AKAP12: variants seen among roughly 807,000 people sequenced by gnomAD.
AKAP12 encodes the protein A-kinase anchoring protein 12.
Under a neutral mutation model 79.9 loss-of-function variants are expected in AKAP12, and 32 were observed. The observed-to-expected ratio is 0.40, with a 90% confidence interval of 0.30 to 0.54. The LOEUF (loss-of-function observed/expected upper bound fraction) is 0.54. AKAP12 is among the 20% of genes least tolerant of loss of function. The pLI is 0.48. For missense variants in AKAP12, 2,074 were observed against 2,177.0 expected, an observed-to-expected ratio of 0.95 and a Z score of 0.94; for synonymous variants, 808 against 857.0, an observed-to-expected ratio of 0.94 and a Z score of 1.00.
intron 3 of AKAP12, among the ~76,000 whole-genome samples, chr6:151,337,709 G>T (rs1777853522): frequency 1.3e-5 from 2 of 151,860 alleles, no homozygotes; most frequent in South Asian, 4.2e-4. Context: ...TCAGTCCACG[G>T]GTTTCTGTTA....
intron 2 of AKAP12, among the ~76,000 whole-genome samples, chr6:151,247,229 C>G (rs1011341511): frequency 2.0e-5 from 3 of 151,920 alleles, no homozygotes; most frequent in Non-Finnish European, 1.5e-5. Flanking sequence ...AGCAAGACCC[C>G]ATCTCTACAA....
At chr6:151,324,920 G>T in intron 3 of AKAP12, 1 of 985,446 alleles carries the variant, frequency 1.0e-6, no homozygotes, top group South Asian at 4.7e-5. Context: ...TCCGAGTTGT[G>T]TGCTTGCATG....
At position 151,240,587 on chromosome 6, in the gene AKAP12, C is replaced by T; in HGVS notation, c.25C>T (p.Gln9Ter). ...CATGGGCGCCGGGAGCTCCACCGAGCAGCGCAGCCCGGAGCAGCCGCCCGA... is the reference window on the plus strand; with the variant it reads ...CATGGGCGCCGGGAGCTCCACCGAGTAGCGCAGCCCGGAGCAGCCGCCCGA... Reference protein sequence around the residue: MGAGSSTEQRSPEQPPEGS... With the variant: MGAGSSTE Residue 9 changes from glutamine (Q) to a stop codon, truncating the protein, a stop_gained, in exon 2 of 5, where the codon CAG becomes TAG. Coordinates refer to ENST00000402676, the MANE Select transcript of AKAP12 (RefSeq NM_005100.4). LOFTEE classifies it high-confidence loss of function. The T allele has an allele frequency of 7.0e-7, 1 of 1,437,540 alleles. No homozygotes were observed. The highest frequency in any genetic ancestry group is 9.1e-7 in the Non-Finnish European group (1 of 1,101,604). The allele number at this position is 1,437,540 out of a possible 1,614,324, so 89.0% of individuals were successfully genotyped here.
In AKAP12 at chr6:151,353,334, G is replaced by T. The variant is rs776486572; in HGVS notation, c.4943G>T (p.Gly1648Val). Residue 1648 changes from glycine to valine, a missense_variant, in exon 4 of 5, where the codon GGT becomes GTT. Gly to Val is a moderately radical substitution (Grantham distance 109, BLOSUM62 -3). Transcript: ENST00000402676. Reference protein sequence around the residue: ...SEKTMTVEVEGSTVNDQQLEE... With the variant: ...SEKTMTVEVEVSTVNDQQLEE... ...AAGACCATGACTGTTGAGGTAGAAG[G>T]TTCCACTGTAAATGATCAGCAGCTG... is the stretch of plus-strand genomic sequence containing the variant. 4 of 1,614,094 alleles carry T rather than the reference G, an allele frequency of 2.5e-6. No homozygotes were observed. The highest frequency in any genetic ancestry group is 1.3e-5 in the African/African-American group (1 of 74,940).
At chr6:151,332,037 T>TTTTG (rs1562743226) in intron 3 of AKAP12, among the ~76,000 whole-genome samples, 1 of 141,236 alleles carries the variant, frequency 7.1e-6, no homozygotes, top group Non-Finnish European at 1.5e-5. Context: ...GGGTCTGTTT[T>TTTTG]TTTTTTTTTT....
intron 2 of AKAP12, among the ~76,000 whole-genome samples, chr6:151,266,226 GGATA>G (rs1479442840): frequency 6.6e-6 from 1 of 152,196 alleles, no homozygotes; most frequent in African/African-American, 2.4e-5. Flanking sequence ...TTAAAAGTTA[GGATA>G]GATAGCTGAT....
intron 2 of AKAP12, among the ~76,000 whole-genome samples, chr6:151,295,942 A>G (rs1236125607): frequency 1.3e-5 from 2 of 152,032 alleles, no homozygotes; most frequent in Admixed American, 6.5e-5. Context: ...CTTCAGATGA[A>G]CTCAGTCGAG....
chr6:151,324,387 A>G (rs1392117884), intron 3 of AKAP12: 1 of 985,324 alleles, frequency 1.0e-6, no homozygotes, highest in South Asian at 4.7e-5. Flanking sequence ...CACGTTGCTC[A>G]CTCTGGGCCC....
chr6:151,328,512 C>G (rs1457252795), intron 3 of AKAP12, among the ~76,000 whole-genome samples: 1 of 151,336 alleles, frequency 6.6e-6, no homozygotes, highest in Non-Finnish European at 1.5e-5. Context: ...TAGTGTGCAC[C>G]TGTGATCCCA....
In AKAP12 at chr6:151,350,922, C is replaced by G; in HGVS notation, c.2531C>G (p.Pro844Arg). 1 of 1,613,976 alleles carries G rather than the reference C, an allele frequency of 6.2e-7. No individual in the cohort carries two copies. ...TGANEDDSDV[P>R]AVVPLSEYDA... is the part of the protein sequence containing the mutation. ...GCCAACGAAGATGACTCTGATGTCC[C>G]GGCCGTGGTCCCTCTGTCTGAGTAT... Residue 844 changes from proline to arginine, a missense_variant, in exon 4 of 5, where the codon CCG (proline) becomes CGG (arginine). Pro to Arg is a moderately radical substitution (Grantham distance 103, BLOSUM62 -2). Around this residue, in one of 3 missense-constraint regions of AKAP12, gnomAD observed 1,428 missense variants for 1,451.0 expected, o/e 0.98. Transcript: ENST00000402676. The surrounding 1 kb of genome is among the most constrained non-coding windows in gnomAD (Gnocchi z 4.8).
At chr6:151,261,419 A>G (rs7773565) in intron 2 of AKAP12, among the ~76,000 whole-genome samples, 104,676 of 151,720 alleles carry the variant, frequency 0.69, 37,582 homozygotes, top group African/African-American at 0.88. Flanking sequence ...GGCTGGGCAC[A>G]GTGGCTCACT....
At chr6:151,344,371 A>G (rs1299289310) in intron 3 of AKAP12, among the ~76,000 whole-genome samples, 1 of 140,342 alleles carries the variant, frequency 7.1e-6, no homozygotes, top group Non-Finnish European at 1.6e-5. Context: ...CAGATAACCT[A>G]TTCATCTATG....
chr6:151,268,945 GTTTTTTTTTTTT>G lies in AKAP12; in HGVS notation c.162+28244_162+28255del, dbSNP rs558502756. ...AGGCATGAGCCACCGTGCTCGGCCT[GTTTTTTTTTTTT>G]TTTTTTTTTTTTTTTTTTTTTTAAT... On this transcript the variant is annotated intron_variant, in intron 2 of 4. Transcript: ENST00000402676. Among the ~76,000 whole-genome samples the G allele has an allele frequency of 1.1e-3, 87 of 77,436 alleles. 1 individual carries two copies. Among genetic ancestry groups the G allele is most frequent in the South Asian group, 1.8e-3 (4 of 2,178 alleles). The allele number at this position is 77,436 out of a possible 152,430, so 50.8% of individuals were successfully genotyped here.
chr6:151,241,793 G>A (rs547138707), intron 2 of AKAP12, among the ~76,000 whole-genome samples: 1 of 142,786 alleles, frequency 7.0e-6, no homozygotes, highest in Non-Finnish European at 1.5e-5. Flanking sequence ...GAGTACGTGA[G>A]TTATCGCAGG....
At chr6:151,341,614 C>A in intron 3 of AKAP12, 2 of 862,930 alleles carry the variant, frequency 2.3e-6, no homozygotes, top group East Asian at 1.1e-4. Context: ...GCGCGCTGGG[C>A]CTCACGGGCG....
chr6:151,303,296 G>T (rs1477252131), intron 2 of AKAP12, among the ~76,000 whole-genome samples: 2 of 152,080 alleles, frequency 1.3e-5, no homozygotes, highest in African/African-American at 4.8e-5. Flanking sequence ...TTGTCTTTAG[G>T]TTTCATTTAA....
intron 2 of AKAP12, 45 bp downstream of exon 2, chr6:151,240,769 G>T: frequency 8.9e-7 from 1 of 1,124,222 alleles, no homozygotes; most frequent in East Asian, 3.6e-5. Flanking sequence ...GCGGGTCTTT[G>T]GGGGTGGGGG....
Position 151,319,447 on chromosome 6 carries a change from A to G in AKAP12, c.319+13544A>G, listed in dbSNP as rs111229956. Reference sequence around the variant, plus strand: ...GAATCTAAAAGACAGGTGTCTGTCTATCTATCTATCTATCTATCTATCTAT... The same window carrying G: ...GAATCTAAAAGACAGGTGTCTGTCTGTCTATCTATCTATCTATCTATCTAT... On this transcript the variant is annotated intron_variant, in intron 3 of 4. Coordinates refer to ENST00000402676, the MANE Select transcript of AKAP12 (RefSeq NM_005100.4). 9.9e-3 allele frequency among the ~76,000 whole-genome samples: 777 copies of G among 78,574 alleles called. 8 individuals are homozygous for G. Among genetic ancestry groups the G allele is most frequent in the African/African-American group, 0.027 (696 of 25,688 alleles). The allele number at this position is 78,574 out of a possible 152,430, so 51.5% of individuals were successfully genotyped here.
At position 151,323,653 on chromosome 6, in the gene AKAP12, G is replaced by C. The variant is rs991674056; in HGVS notation, c.319+17750G>C. The C allele has an allele frequency of 3.1e-6, 3 of 962,026 alleles. No individual in the cohort carries two copies. In the African/African-American group the frequency reaches 5.3e-5, roughly 17 times the overall value. The allele number at this position is 962,026 out of a possible 1,614,324, so 59.6% of individuals were successfully genotyped here. On this transcript the variant is annotated intron_variant, in intron 3 of 4. Coordinates refer to ENST00000402676, the MANE Select transcript of AKAP12 (RefSeq NM_005100.4). ...ACTGAACAGCAGTACAGTGACCTTTGAAAATGTTGTTTAGGGTATTAAATG... is the reference window on the plus strand; with the variant it reads ...ACTGAACAGCAGTACAGTGACCTTTCAAAATGTTGTTTAGGGTATTAAATG...
Sources: gnomAD v4.1 joint callset for allele counts (sites outside exome capture counted in the v4.1 genomes callset) on GRCh38, gnomAD v4.1.1 for gene constraint, gnomAD v4.1.1 regional missense constraint, Gnocchi (gnomAD v3.1) non-coding constraint, MANE v1.5 for transcripts, NCBI Gene and HGNC (gene_info 2026-07-23, HGNC 2026-07-21) for gene names.